The following SRC variants were observed in gnomAD, a reference collection of about 807,000 sequenced individuals.
The protein encoded by SRC is SRC proto-oncogene, non-receptor tyrosine kinase.
Under a neutral mutation model 62.9 loss-of-function variants are expected in SRC, and 13 were observed. The ratio of observed to expected loss-of-function variants is 0.21; its 90% CI spans 0.13 to 0.33. SRC has a LOEUF of 0.33. Ranked by LOEUF, SRC falls within the 10% of genes least tolerant of loss-of-function variation. The pLI is 1.00. For missense variants in SRC, 457 were observed against 737.3 expected, an observed-to-expected ratio of 0.62 and a Z score of 4.40; for synonymous variants, 302 against 317.5, an observed-to-expected ratio of 0.95 and a Z score of 0.52.
chr20:37,394,090 C>T (rs1029474479), intron 6 of SRC, 84 bp from the exon 7 acceptor site: 397 of 1,556,916 alleles, frequency 2.5e-4, no homozygotes, highest in Non-Finnish European at 3.3e-4. Flanking sequence ...GGCTGTCCAG[C>T]GCCCCAGCCA....
At chr20:37,348,388 G>A (rs1011912986) in intron 1 of SRC, among the ~76,000 whole-genome samples, 1 of 152,134 alleles carries the variant, frequency 6.6e-6, no homozygotes, top group African/African-American at 2.4e-5. Flanking sequence ...GCCCATCTCC[G>A]TGGTCCTCAG....
In SRC at chr20:37,386,102, A is replaced by T. The variant is rs2070451420; in HGVS notation, c.278A>T (p.Tyr93Phe). The change falls in exon 5 of 14, where the codon TAT becomes TTT. Residue 93 changes from tyrosine to phenylalanine, a missense_variant. Physicochemically the swap from Tyr to Phe is conservative, Grantham distance 22. Around this residue, in one of 4 missense-constraint regions of SRC, gnomAD observed 16 missense variants for 45.7 expected, o/e 0.35. Coordinates refer to ENST00000373578, the MANE Select transcript of SRC (RefSeq NM_198291.3). ...GGAGTGACCACCTTTGTGGCCCTCTATGACTATGAGTCTAGGACGGAGACA... is the reference window on the plus strand; with the variant it reads ...GGAGTGACCACCTTTGTGGCCCTCTTTGACTATGAGTCTAGGACGGAGACA... The part of the protein sequence containing the change: ...AGGVTTFVAL[Y>F]DYESRTETDL... The T allele has an allele frequency of 1.9e-6, 3 of 1,614,036 alleles. No homozygotes were observed. The South Asian group carries it at 3.3e-5, about 18-fold the overall frequency.
intron 2 of SRC, among the ~76,000 whole-genome samples, chr20:37,375,529 C>G (rs990813591): frequency 1.3e-5 from 2 of 152,160 alleles, no homozygotes; most frequent in African/African-American, 4.8e-5. Flanking sequence ...TGAGCCAACA[C>G]ACCTGGCCAA....
chr20:37,353,485 C>G (rs2069836417), intron 1 of SRC, among the ~76,000 whole-genome samples: 1 of 152,110 alleles, frequency 6.6e-6, no homozygotes, highest in South Asian at 2.1e-4. Flanking sequence ...GAAGGGAGGA[C>G]CAGACACGCC....
Position 37,384,306 on chromosome 20 carries a change from C to T in SRC, c.153C>T (p.Ser51=), listed in dbSNP as rs772369902. 19 of 1,474,224 alleles carry T rather than the reference C, an allele frequency of 1.3e-5. No homozygotes were observed. Among genetic ancestry groups the T allele is most frequent in the Middle Eastern group, 3.5e-4 (2 of 5,734 alleles). The allele number at this position is 1,474,224 out of a possible 1,614,324, so 91.3% of individuals were successfully genotyped here. A position where few individuals can be genotyped will look rare whatever the true frequency, so the allele number is the denominator to read the frequency against. Residue 51 remains serine, a synonymous_variant, in exon 4 of 14, where the codon AGC becomes AGT. Coordinates refer to ENST00000373578, the MANE Select transcript of SRC (RefSeq NM_198291.3). This position sits in a 1 kb window ranked among gnomAD's most constrained non-coding sequence, Gnocchi z 6.7. ...CGGCCGACGGCCACCGCGGCCCCAGCGCGGCCTTCGCCCCCGCGGCCGCCG... is the reference window on the plus strand; with the variant it reads ...CGGCCGACGGCCACCGCGGCCCCAGTGCGGCCTTCGCCCCCGCGGCCGCCG... ...PASADGHRGP[S]AAFAPAAAEP...
In SRC at chr20:37,403,514, C is replaced by T; in HGVS notation, c.*135C>T. On this transcript the variant is annotated 3_prime_UTR_variant, in exon 14 of 14. Coordinates refer to ENST00000373578, the MANE Select transcript of SRC (RefSeq NM_198291.3). The surrounding 1 kb of genome is among the most constrained non-coding windows in gnomAD (Gnocchi z 7.1). ...CTGAATTGCCAGGGGCGAGGCCCTT[C>T]CTCTTTGGTGGCATGGAAGGGGCTT... The T allele has an allele frequency of 9.5e-6, 10 of 1,057,918 alleles. No individual in the cohort carries two copies. The South Asian group carries it at 1.6e-4, about 17-fold the overall frequency. 65.5% of individuals were successfully genotyped at this position (1,057,918 alleles called of 1,614,324 possible). A position where few individuals can be genotyped will look rare whatever the true frequency, so the allele number is the denominator to read the frequency against.
At chr20:37,368,102 T>C (rs2070093473) in intron 2 of SRC, among the ~76,000 whole-genome samples, 1 of 152,186 alleles carries the variant, frequency 6.6e-6, no homozygotes, top group Non-Finnish European at 1.5e-5. Flanking sequence ...TTGTTGCTTG[T>C]GCTCTAGGTG....
chr20:37,396,988 TCTTCGGCCACCG>T lies in SRC; in HGVS notation c.703+680_703+691del. ...CTGGGATCACCCGCCACTCTCTGTC[TCTTCGGCCACCG>T]CTGTGTAGCTCATTCTGAACCCCTT... On this transcript the variant is annotated intron_variant, in intron 8 of 13. Coordinates refer to ENST00000373578, the MANE Select transcript of SRC (RefSeq NM_198291.3). This position sits in a 1 kb window ranked among gnomAD's most constrained non-coding sequence, Gnocchi z 6.1. 6.6e-6 allele frequency among the ~76,000 whole-genome samples: 1 copy of T among 152,248 alleles called. No individual in the cohort carries two copies. Among genetic ancestry groups the T allele is most frequent in the African/African-American group, 2.4e-5 (1 of 41,524 alleles).
intron 2 of SRC, among the ~76,000 whole-genome samples, chr20:37,374,571 C>CTT (rs71187927): frequency 1.8e-4 from 16 of 88,910 alleles, no homozygotes; most frequent in East Asian, 3.6e-4. Flanking sequence ...TAATAATACT[C>CTT]TTTTTTTTTT....
chr20:37,355,035 G>T (rs1461864914), intron 1 of SRC, among the ~76,000 whole-genome samples: 2 of 152,200 alleles, frequency 1.3e-5, no homozygotes, highest in African/African-American at 2.4e-5. Context: ...GCACAGGCTT[G>T]GAGGTGGCAC....
intron 1 of SRC, among the ~76,000 whole-genome samples, chr20:37,358,223 G>A (rs1429223616): frequency 2.6e-5 from 4 of 152,210 alleles, no homozygotes; most frequent in Non-Finnish European, 4.4e-5. Flanking sequence ...TACGCCATGT[G>A]TTCAGTAGTT....
chr20:37,355,412 A>C (rs1435453647), intron 1 of SRC, among the ~76,000 whole-genome samples: 1 of 152,096 alleles, frequency 6.6e-6, no homozygotes, highest in African/African-American at 2.4e-5. Flanking sequence ...CACTCCACCC[A>C]TACCTTAGAG....
rs570698593 is a variant in SRC, at chr20:37,351,411, A to G, written c.-247+5156A>G. ...CCCAGCGGAGTCTTTTTTGGTGCTC[A>G]TGTAGGGGTGGGGATGTCTGTGGTG... On this transcript the variant is annotated intron_variant, in intron 1 of 13. Transcript: ENST00000373578. The surrounding 1 kb of genome is among the most constrained non-coding windows in gnomAD (Gnocchi z 4.4). 6.6e-6 allele frequency among the ~76,000 whole-genome samples: 1 copy of G among 151,906 alleles called. No individual in the cohort carries two copies.
Position 37,386,184 on chromosome 20 carries a change from C to T in SRC, c.350+10C>T, listed in dbSNP as rs2070452596. 3.7e-6 allele frequency: 6 copies of T among 1,613,412 alleles called. No homozygotes were observed. Among genetic ancestry groups the T allele is most frequent in the African/African-American group, 1.3e-5 (1 of 74,908 alleles). On this transcript the variant is annotated intron_variant, in intron 5 of 13. Transcript: ENST00000373578. ...AGATTGTCAACAACACGTGAGTGCC[C>T]CCTTCCCTATTGCCCCTCAGGGCTG...
rs1275922100 is a variant in SRC, at chr20:37,405,117, C to T, written c.*1738C>T. 4.3e-6 allele frequency: 1 copy of T among 233,168 alleles called. No homozygotes were observed. The highest frequency in any genetic ancestry group is 8.5e-6 in the Non-Finnish European group (1 of 117,820). 14.4% of individuals were successfully genotyped at this position (233,168 alleles called of 1,614,324 possible). A position where few individuals can be genotyped will look rare whatever the true frequency, so the allele number is the denominator to read the frequency against. On this transcript the variant is annotated 3_prime_UTR_variant, in exon 14 of 14. Coordinates refer to ENST00000373578, the MANE Select transcript of SRC (RefSeq NM_198291.3). ...CTTTTCCTTTCATACGTCTTTATTA[C>T]CCAAGTCTTCTCCCGTCCATTCCAG...
At chr20:37,354,285 C>T (rs2069847789) in intron 1 of SRC, among the ~76,000 whole-genome samples, 1 of 152,158 alleles carries the variant, frequency 6.6e-6, no homozygotes, top group African/African-American at 2.4e-5. Context: ...TCCTTGTCCA[C>T]CTGCTTGCCC....
chr20:37,399,758 C>A (rs1452849556), intron 9 of SRC, among the ~76,000 whole-genome samples: 12 of 152,136 alleles, frequency 7.9e-5, no homozygotes. Flanking sequence ...GTTGGCCAGG[C>A]TGGTCTTGAA....
In SRC at chr20:37,404,110, C is replaced by T. The variant is rs1213171543; in HGVS notation, c.*731C>T. On this transcript the variant is annotated 3_prime_UTR_variant, in exon 14 of 14. Transcript: ENST00000373578. ...GCCACGGAGCAGTTCAGAGTGGAGG[C>T]GGGCTTGGAACCCGGTGCTCCCTCT... is the stretch of plus-strand genomic sequence containing the variant. 9 of 233,604 alleles carry T rather than the reference C, an allele frequency of 3.9e-5. No homozygotes were observed. The highest frequency in any genetic ancestry group is 1.1e-4 in the Admixed American group (2 of 17,770). 14.5% of individuals were successfully genotyped at this position (233,604 alleles called of 1,614,324 possible).
rs1181685054 is a variant in SRC, at chr20:37,402,341, G to GA, written c.1117-92dup. On this transcript the variant is annotated intron_variant, in intron 11 of 13. Transcript: ENST00000373578. This position sits in a 1 kb window ranked among gnomAD's most constrained non-coding sequence, Gnocchi z 6.2. ...CCTGAAGAAGTGTGGGGAGGGTGGG[G>GA]AAGGGGTGGTTGGCTCTCCAGCCCC... 2 of 1,482,020 alleles carry GA rather than the reference G, an allele frequency of 1.3e-6. No individual in the cohort carries two copies. Among genetic ancestry groups the GA allele is most frequent in the African/African-American group, 2.8e-5 (2 of 71,016 alleles). 91.8% of individuals were successfully genotyped at this position (1,482,020 alleles called of 1,614,324 possible).
Sources: allele counts gnomAD v4.1 joint callset (sites outside exome capture counted in the v4.1 genomes callset), GRCh38; gene constraint gnomAD v4.1.1; regional missense constraint gnomAD v4.1.1; non-coding constraint Gnocchi (gnomAD v3.1); transcripts MANE v1.5; gene names NCBI Gene and HGNC (gene_info 2026-07-23, HGNC 2026-07-21).